NRG1: variants seen among roughly 807,000 people sequenced by gnomAD.
NRG1 encodes the protein neuregulin 1, also known as pro-neuregulin-1, membrane-bound isoform.
NRG1 carries 18 observed loss-of-function variants against 63.8 expected under a neutral mutation model. The ratio of observed to expected loss-of-function variants is 0.28; its 90% CI spans 0.19 to 0.42. The LOEUF is 0.42. NRG1 is among the 10% of genes least tolerant of loss of function. The probability of loss-of-function intolerance (pLI) is 1.00; values close to 1 mark genes in which losing one functional copy is unlikely to be tolerated. For missense variants in NRG1, 762 were observed against 814.7 expected, an observed-to-expected ratio of 0.94 and a Z score of 0.79; for synonymous variants, 302 against 301.3, an observed-to-expected ratio of 1.00 and a Z score of -0.02.
intron 1 of NRG1, among the ~76,000 whole-genome samples, chr8:32,403,475 TG>T (rs1192470677): frequency 2.0e-5 from 3 of 152,292 alleles, no homozygotes; most frequent in Non-Finnish European, 2.9e-5. Context: ...TTAAGAAATT[TG>T]CTTCTAGTTG....
intron 1 of NRG1, among the ~76,000 whole-genome samples, chr8:31,982,716 T>C (rs565954539): frequency 7.2e-5 from 11 of 152,180 alleles, no homozygotes; most frequent in African/African-American, 2.6e-4. Context: ...TCCAGAGAAG[T>C]CTCTGATGGT....
chr8:32,724,987 T>A (rs1821699734), intron 5 of NRG1, among the ~76,000 whole-genome samples: 1 of 152,194 alleles, frequency 6.6e-6, no homozygotes, highest in African/African-American at 2.4e-5. Context: ...TTAAGGCCTT[T>A]TAAAAAGAGG....
chr8:32,635,588 AT>A (rs369815591), intron 5 of NRG1, among the ~76,000 whole-genome samples: 1 of 151,932 alleles, frequency 6.6e-6, no homozygotes. Context: ...CATTCAACAC[AT>A]TTTTCCCCCA....
intron 1 of NRG1, among the ~76,000 whole-genome samples, chr8:31,642,638 A>G (rs1156348177): frequency 6.6e-6 from 1 of 152,210 alleles, no homozygotes; most frequent in Non-Finnish European, 1.5e-5. Flanking sequence ...TATAATACAT[A>G]GTTGTAAGTT....
intron 1 of NRG1, among the ~76,000 whole-genome samples, chr8:31,872,040 C>T (rs928568319): frequency 6.6e-6 from 1 of 152,114 alleles, no homozygotes; most frequent in African/African-American, 2.4e-5. Flanking sequence ...CCCTTGGTCT[C>T]CCTTGACTTT....
intron 1 of NRG1, among the ~76,000 whole-genome samples, chr8:32,360,862 A>G (rs898880740): frequency 2.6e-5 from 4 of 152,206 alleles, no homozygotes; most frequent in Non-Finnish European, 5.9e-5. Flanking sequence ...AGAGAAAACA[A>G]AGCCATAAGG....
chr8:32,009,809 A>T (rs1353018854), intron 1 of NRG1, among the ~76,000 whole-genome samples: 1 of 152,020 alleles, frequency 6.6e-6, no homozygotes, highest in Non-Finnish European at 1.5e-5. Context: ...ATGCTCTACC[A>T]ATGTCAGAGG....
chr8:32,159,490 C>CAT, intron 1 of NRG1, among the ~76,000 whole-genome samples: 1 of 146,948 alleles, frequency 6.8e-6, no homozygotes, highest in African/African-American at 2.6e-5. Flanking sequence ...GCCGAGATTG[C>CAT]GCCACTGCAG....
chr8:31,826,331 G>A (rs1025756405), intron 1 of NRG1, among the ~76,000 whole-genome samples: 1 of 152,140 alleles, frequency 6.6e-6, no homozygotes, highest in Non-Finnish European at 1.5e-5. Context: ...CTGGCAGGAG[G>A]TAATTGAATC....
intron 1 of NRG1, among the ~76,000 whole-genome samples, chr8:31,998,072 A>G (rs571891460): frequency 2.5e-4 from 38 of 152,064 alleles, no homozygotes; most frequent in African/African-American, 8.4e-4. Context: ...GCCTGGGGTG[A>G]GTTTCTCAAT....
rs1459472238 is a variant in NRG1 at position 31,771,195 on chromosome 8, T to C, written c.37+131764T>C. Among the ~76,000 whole-genome samples the C allele has an allele frequency of 7.9e-5, 12 of 152,284 alleles. No homozygotes were observed. In the East Asian group the frequency reaches 1.9e-3, roughly 24 times the overall value. Reference sequence around the variant, plus strand: ...AATGCCTGGCAGCCACTAATCTCCATCATTAAAAATTTGTCATTTCAAGAA... The same window carrying C: ...AATGCCTGGCAGCCACTAATCTCCACCATTAAAAATTTGTCATTTCAAGAA... On this transcript the variant is annotated intron_variant, in intron 1 of 10. Coordinates refer to the NRG1 transcript ENST00000519301.
intron 1 of NRG1, among the ~76,000 whole-genome samples, chr8:32,290,248 A>T (rs1240332241): frequency 6.6e-6 from 1 of 152,128 alleles, no homozygotes; most frequent in Non-Finnish European, 1.5e-5. Context: ...GTCTATAAAG[A>T]TAATAAAATA....
intron 1 of NRG1, among the ~76,000 whole-genome samples, chr8:31,919,753 C>A (rs2129618390): frequency 6.6e-6 from 1 of 152,124 alleles, no homozygotes; most frequent in South Asian, 2.1e-4. Flanking sequence ...TAAGATGATT[C>A]TTACTCTCAA....
intron 1 of NRG1, among the ~76,000 whole-genome samples, chr8:31,708,468 C>A (rs1214387983): frequency 4.5e-5 from 6 of 133,760 alleles, no homozygotes; most frequent in African/African-American, 1.7e-4. Flanking sequence ...TTTTTTGAGA[C>A]GGAGTCTCGC....
At position 32,571,170 on chromosome 8, in the gene NRG1, C is replaced by T. The variant is rs562544336; in HGVS notation, c.100+22344C>T. On this transcript the variant is annotated intron_variant, in intron 1 of 11. Coordinates refer to ENST00000356819, the Ensembl canonical transcript of NRG1. ...ACATAAAACAATAAAGACAGTGCTC[C>T]AAATTAAAGATACAGCAATGACATG... 7.9e-4 allele frequency among the ~76,000 whole-genome samples: 120 copies of T among 152,190 alleles called. 1 individual carries two copies. The highest frequency in any genetic ancestry group is 3.4e-3 in the Middle Eastern group (1 of 294).
chr8:31,878,805 T>C (rs1563518342), intron 1 of NRG1, among the ~76,000 whole-genome samples: 1 of 152,178 alleles, frequency 6.6e-6, no homozygotes, highest in African/African-American at 2.4e-5. Context: ...TTCGCTTACT[T>C]CCTCACCGTG....
At chr8:32,753,569 T>G (rs1409839717) in intron 7 of NRG1, among the ~76,000 whole-genome samples, 4 of 152,154 alleles carry the variant, frequency 2.6e-5, no homozygotes, top group Non-Finnish European at 5.9e-5. Context: ...CAAATAAAAC[T>G]TGTTCCTAAG....
intron 1 of NRG1, among the ~76,000 whole-genome samples, chr8:31,682,069 A>G (rs1808395959): frequency 6.6e-6 from 1 of 152,250 alleles, no homozygotes; most frequent in African/African-American, 2.4e-5. Flanking sequence ...CCTATAGAAG[A>G]GTTTCACTTC....
intron 1 of NRG1, among the ~76,000 whole-genome samples, chr8:32,542,331 G>A (rs4422737): frequency 0.6 from 90,636 of 151,910 alleles, 27,270 homozygotes; most frequent in East Asian, 0.74. Context: ...ATATCAAGGT[G>A]TCATGCCCAG....
Sources: gnomAD v4.1 joint callset for allele counts (sites outside exome capture counted in the v4.1 genomes callset) on GRCh38, gnomAD v4.1.1 for gene constraint, MANE v1.5 for transcripts, NCBI Gene and HGNC (gene_info 2026-07-23, HGNC 2026-07-21) for gene names.